The following MYO5B variants were observed in gnomAD, a reference collection of about 807,000 sequenced individuals.
The protein encoded by MYO5B is myosin VB, also known as unconventional myosin-Vb.
A neutral mutation model predicts 229.3 loss-of-function variants in MYO5B; 143 were observed. The observed-to-expected ratio is 0.62, with a 90% confidence interval of 0.54 to 0.72. The LOEUF is 0.72. Ranked by LOEUF, MYO5B falls within the 30% of genes least tolerant of loss-of-function variation. MYO5B has a pLI of 0.00. For synonymous variants in MYO5B, 918 were observed against 885.2 expected, an observed-to-expected ratio of 1.04 and a Z score of -0.66; for missense variants, 2,321 against 2,331.0, an observed-to-expected ratio of 1.00 and a Z score of 0.09.
Position 50,162,576 on chromosome 18 carries a change from T to C in MYO5B, c.27+32191A>G, listed in dbSNP as rs547053799. Among the ~76,000 whole-genome samples, 10 of 152,338 alleles carry C rather than the reference T, an allele frequency of 6.6e-5. No individual in the cohort carries two copies. The South Asian group carries it at 1.2e-3, about 19-fold the overall frequency. On this transcript the variant is annotated intron_variant, in intron 1 of 39. Transcript: ENST00000285039. ...GATGAGGGGAGAGAACACCAGAATGTTGGCTCATCAGGACATCTTTGGCAT... is the reference window on the plus strand; with the variant it reads ...GATGAGGGGAGAGAACACCAGAATGCTGGCTCATCAGGACATCTTTGGCAT...
At chr18:49,929,887 C>T (rs1041501832) in intron 16 of MYO5B, among the ~76,000 whole-genome samples, 3 of 152,062 alleles carry the variant, frequency 2.0e-5, no homozygotes, top group Non-Finnish European at 4.4e-5. Flanking sequence ...CCCGAATCCT[C>T]CCCACCCTCC....
chr18:50,120,488 C>G (rs73430335), intron 1 of MYO5B, among the ~76,000 whole-genome samples: 3,041 of 152,232 alleles, frequency 0.02, 90 homozygotes, highest in African/African-American at 0.069. Context: ...CGGGCCATGT[C>G]CTAAGGAAGC....
At chr18:50,001,479 T>C in intron 4 of MYO5B, 68 bp from the exon 5 acceptor site, 1 of 1,574,086 alleles carries the variant, frequency 6.4e-7, no homozygotes, top group Non-Finnish European at 8.7e-7. Flanking sequence ...AGGGACTCTG[T>C]CTGACAAGGG....
At chr18:50,050,734 G>A (rs2030368977) in intron 2 of MYO5B, among the ~76,000 whole-genome samples, 1 of 152,190 alleles carries the variant, frequency 6.6e-6, no homozygotes, top group South Asian at 2.1e-4. Flanking sequence ...GCTGCCTTGA[G>A]GTTCATGGGT....
intron 1 of MYO5B, among the ~76,000 whole-genome samples, chr18:50,087,481 G>C (rs973733213): frequency 3.3e-5 from 5 of 151,064 alleles, no homozygotes; most frequent in African/African-American, 1.2e-4. Context: ...GGTGAGGCAG[G>C]AGAATCGCTT....
Position 49,963,408 on chromosome 18 carries a change from A to AT in MYO5B, c.1323-379dup, listed in dbSNP as rs1333636084. ...ACATTTTACTTATTTAATTTAATTA[A>AT]TTAATTAATTTATTTATTTATTTAT... On this transcript the variant is annotated intron_variant, in intron 10 of 39. Coordinates refer to ENST00000285039, the MANE Select transcript of MYO5B (RefSeq NM_001080467.3). Among the ~76,000 whole-genome samples the AT allele has an allele frequency of 2.4e-3, 352 of 148,694 alleles. 1 individual carries two copies. The highest frequency in any genetic ancestry group is 4.7e-3 in the African/African-American group (185 of 39,076).
chr18:49,878,502 TA>T (rs1250624897), intron 24 of MYO5B, among the ~76,000 whole-genome samples: 1 of 151,916 alleles, frequency 6.6e-6, no homozygotes, highest in Admixed American at 6.6e-5. Flanking sequence ...TTACATGGGG[TA>T]AAAAAGAATG....
chr18:49,919,318 A>G (rs2025050277), intron 17 of MYO5B, among the ~76,000 whole-genome samples: 1 of 152,032 alleles, frequency 6.6e-6, no homozygotes, highest in Non-Finnish European at 1.5e-5. Context: ...AAAGAAATAA[A>G]CAGATTTCTT....
chr18:50,176,801 G>T lies in MYO5B; in HGVS notation c.27+17966C>A, dbSNP rs141941451. ...TCAACAGCACTATCCTTTTCTAAAG[G>T]CTGCAACTATTTAAGCAACTGCTTT... On this transcript the variant is annotated intron_variant, in intron 1 of 39. Transcript: ENST00000285039. 4.5e-3 allele frequency among the ~76,000 whole-genome samples: 684 copies of T among 152,240 alleles called. 9 individuals carry two copies. Among genetic ancestry groups the T allele is most frequent in the African/African-American group, 0.015 (637 of 41,540 alleles).
At chr18:49,956,004 T>C (rs1291072776) in intron 12 of MYO5B, among the ~76,000 whole-genome samples, 1 of 152,206 alleles carries the variant, frequency 6.6e-6, no homozygotes, top group African/African-American at 2.4e-5. Context: ...GGAGATGAAA[T>C]TGGACTTCTG....
intron 22 of MYO5B, among the ~76,000 whole-genome samples, chr18:49,893,014 G>C (rs1400602013): frequency 1.3e-5 from 2 of 152,176 alleles, no homozygotes; most frequent in East Asian, 3.9e-4. Context: ...ATTTCTTAAG[G>C]AGAGGAGGAG....
At chr18:49,834,289 A>C (rs1393542405) in intron 39 of MYO5B, among the ~76,000 whole-genome samples, 2 of 152,094 alleles carry the variant, frequency 1.3e-5, no homozygotes, top group East Asian at 3.9e-4. Flanking sequence ...TCTCCCTCTG[A>C]TGACTTCCCC....
intron 1 of MYO5B, among the ~76,000 whole-genome samples, chr18:50,191,926 G>A (rs1356086472): frequency 6.6e-6 from 1 of 152,192 alleles, no homozygotes; most frequent in Admixed American, 6.5e-5. Flanking sequence ...AATTTATGAC[G>A]AAGTGTGGAG....
At chr18:50,184,873 T>TACACACAC (rs72463376) in intron 1 of MYO5B, among the ~76,000 whole-genome samples, 2 of 148,612 alleles carry the variant, frequency 1.3e-5, no homozygotes, top group Admixed American at 6.7e-5. Context: ...ACCCTATCTC[T>TACACACAC]ACACACACAC....
intron 16 of MYO5B, among the ~76,000 whole-genome samples, chr18:49,929,811 T>C (rs2025170173): frequency 6.6e-6 from 1 of 152,194 alleles, no homozygotes. Context: ...CAGCATCTTC[T>C]GTTCTGTGCC....
chr18:50,126,736 A>G lies in MYO5B; in HGVS notation c.27+68031T>C, dbSNP rs1259340868. The stretch of plus-strand genomic sequence containing the variant: ...CAGCAGCACAGCTCTCCAAGCCTCC[A>G]ATGCATTTTCACACCATCTTCTAGC... On this transcript the variant is annotated intron_variant, in intron 1 of 39. Coordinates refer to ENST00000285039, the MANE Select transcript of MYO5B (RefSeq NM_001080467.3). Among the ~76,000 whole-genome samples, 7 of 152,298 alleles carry G rather than the reference A, an allele frequency of 4.6e-5. No individual in the cohort carries two copies. The South Asian group carries it at 1.5e-3, about 32-fold the overall frequency.
intron 1 of MYO5B, among the ~76,000 whole-genome samples, chr18:50,180,013 T>C (rs1210902085): frequency 1.3e-5 from 2 of 152,170 alleles, no homozygotes; most frequent in South Asian, 2.1e-4. Flanking sequence ...TCCGGACCTC[T>C]AGGGCTGAAG....
chr18:50,121,214 C>A (rs374718111), intron 1 of MYO5B, among the ~76,000 whole-genome samples: 2 of 152,214 alleles, frequency 1.3e-5, no homozygotes, highest in South Asian at 2.1e-4. Flanking sequence ...CAGCCCCCAG[C>A]GTGCCCACGT....
At chr18:49,964,423 C>G (rs1040834581) in intron 10 of MYO5B, among the ~76,000 whole-genome samples, 1 of 151,834 alleles carries the variant, frequency 6.6e-6, no homozygotes, top group African/African-American at 2.4e-5. Flanking sequence ...ATTTTTATAT[C>G]GAGATGTTCT....
Sources: allele counts gnomAD v4.1 joint callset (sites outside exome capture counted in the v4.1 genomes callset), GRCh38; gene constraint gnomAD v4.1.1; transcripts MANE v1.5; gene names NCBI Gene and HGNC (gene_info 2026-07-23, HGNC 2026-07-21).